TRPM2: variants seen among roughly 807,000 people sequenced by gnomAD.
TRPM2 encodes transient receptor potential cation channel subfamily M member 2, also known as estrogen-responsive element-associated gene 1 protein.
TRPM2 carries 161 observed loss-of-function variants against 174.0 expected under a neutral mutation model. That is an observed-to-expected ratio of 0.93 (90% CI 0.81 to 1.05). TRPM2 has a LOEUF of 1.05. Ranked by LOEUF, TRPM2 falls within the 50% of genes least tolerant of loss-of-function variation. The pLI is 0.00. For synonymous variants in TRPM2, 954 were observed against 861.3 expected, an observed-to-expected ratio of 1.11 and a Z score of -1.88; for missense variants, 2,057 against 2,038.0, an observed-to-expected ratio of 1.01 and a Z score of -0.18.
intron 20 of TRPM2, 90 bp downstream of exon 20, chr21:44,414,164 A>G (rs925203138): frequency 1.5e-5 from 22 of 1,494,652 alleles, no homozygotes; most frequent in Non-Finnish European, 1.8e-5. Context: ...GGTCTCGTGG[A>G]CAGTGTGGAT....
chr21:44,393,212 T>C (rs575705045), intron 11 of TRPM2, among the ~76,000 whole-genome samples: 49 of 152,322 alleles, frequency 3.2e-4, no homozygotes, highest in African/African-American at 7.5e-4. Context: ...TCAGGAATGA[T>C]GCTGGATTTT....
At chr21:44,397,113 A>T (rs952883923) in intron 12 of TRPM2, among the ~76,000 whole-genome samples, 4 of 150,992 alleles carry the variant, frequency 2.6e-5, no homozygotes, top group African/African-American at 9.8e-5. Context: ...ATCTCGGCTC[A>T]CTGCAACCTC....
upstream of TRPM2, among the ~76,000 whole-genome samples, chr21:44,350,696 G>A (rs2047915558): frequency 6.8e-6 from 1 of 146,380 alleles, no homozygotes; most frequent in Admixed American, 6.7e-5. Context: ...GGCGGGGTTC[G>A]GGGCGCTGGT....
chr21:44,383,967 A>G (rs2048952704), intron 9 of TRPM2, among the ~76,000 whole-genome samples: 1 of 152,210 alleles, frequency 6.6e-6, no homozygotes, highest in Admixed American at 6.5e-5. Flanking sequence ...AGAACAAATG[A>G]AATCCAAAAG....
chr21:44,412,832 C>A (rs1342132822), intron 19 of TRPM2, among the ~76,000 whole-genome samples: 2 of 151,898 alleles, frequency 1.3e-5, no homozygotes, highest in Non-Finnish European at 2.9e-5. Context: ...TTCAGCTCTT[C>A]TTTATTAATA....
At chr21:44,405,290 G>A (rs748664709) in intron 17 of TRPM2, 30 bp downstream of exon 17, 15 of 1,598,414 alleles carry the variant, frequency 9.4e-6, no homozygotes, top group East Asian at 6.7e-5. Context: ...TGGCGGGCCC[G>A]TCTGAGGCAG....
Position 44,423,645 on chromosome 21 carries a change from G to C in TRPM2, c.3462G>C (p.Lys1154Asn). The change falls in exon 23 of 32, where the codon AAG (lysine) becomes AAC (asparagine). Residue 1154 changes from lysine (K) to asparagine (N), a missense_variant and splice_region_variant. Coordinates refer to ENST00000397928, the MANE Select transcript of TRPM2 (RefSeq NM_003307.4). ...PEQKIEDISN[K>N]VDAMVDLLDL... ...CCAGCTCAGCTGCTTCCTCTTTCAGGGTTGACGCCATGGTGGACCTGCTGG... is the reference window on the plus strand; with the variant it reads ...CCAGCTCAGCTGCTTCCTCTTTCAGCGTTGACGCCATGGTGGACCTGCTGG... 6.2e-7 allele frequency: 1 copy of C among 1,612,224 alleles called. No individual in the cohort carries two copies. Among genetic ancestry groups the C allele is most frequent in the Non-Finnish European group, 8.5e-7 (1 of 1,179,614 alleles).
At chr21:44,411,773 A>T (rs2050114919) in intron 19 of TRPM2, among the ~76,000 whole-genome samples, 1 of 152,158 alleles carries the variant, frequency 6.6e-6, no homozygotes, top group Non-Finnish European at 1.5e-5. Context: ...GTTCCCTTCT[A>T]TTCCTAGTTT....
rs556964056 is a variant in TRPM2 at position 44,411,805 on chromosome 21, G to A, written c.2963-2086G>A. 3.2e-4 allele frequency among the ~76,000 whole-genome samples: 48 copies of A among 152,278 alleles called. 1 individual carries two copies. The South Asian group carries it at 7.5e-3, about 24-fold the overall frequency. On this transcript the variant is annotated intron_variant, in intron 19 of 31. Coordinates refer to ENST00000397928, the MANE Select transcript of TRPM2 (RefSeq NM_003307.4). Reference sequence around the variant, plus strand: ...GTTTCTTGAGTGTTTTTATTGTGAAGGAGTGGTAGACTTTGTCAGCTGCTT... The same window carrying A: ...GTTTCTTGAGTGTTTTTATTGTGAAAGAGTGGTAGACTTTGTCAGCTGCTT...
Position 44,401,808 on chromosome 21 carries a change from C to T in TRPM2, c.2449C>T (p.Leu817Phe), listed in dbSNP as rs1054216429. ...FAFLCLFAYVLMVDFQPVPSW... is the reference protein window; with the variant it reads ...FAFLCLFAYVFMVDFQPVPSW... The stretch of plus-strand genomic sequence containing the variant: ...CTTCCTCTGCCTGTTCGCCTACGTG[C>T]TCATGGTGGACTTCCAGCCTGTGCC... Residue 817 changes from leucine (L) to phenylalanine (F), a missense_variant, in exon 16 of 32, where the codon CTC becomes TTC. Physicochemically the swap from Leu to Phe is conservative, Grantham distance 22. Coordinates refer to ENST00000397928, the MANE Select transcript of TRPM2 (RefSeq NM_003307.4). The T allele has an allele frequency of 9.9e-6, 16 of 1,613,922 alleles. No homozygotes were observed. The East Asian group carries it at 3.3e-4, about 34-fold the overall frequency.
intron 27 of TRPM2, among the ~76,000 whole-genome samples, chr21:44,427,319 C>T (rs534407734): frequency 5.0e-4 from 76 of 152,306 alleles, no homozygotes; most frequent in African/African-American, 1.8e-3. Flanking sequence ...CCCCTGGCCT[C>T]GGGCAGGCCC....
In TRPM2 at chr21:44,379,049, C is replaced by CG. The variant is rs1313043020; in HGVS notation, c.1070dup (p.Arg358ProfsTer35). 1.2e-6 allele frequency: 2 copies of CG among 1,610,918 alleles called. No homozygotes were observed. Among genetic ancestry groups the CG allele is most frequent in the Non-Finnish European group, 8.5e-7 (1 of 1,180,016 alleles). The stretch of plus-strand genomic sequence containing the variant: ...ACCCCCTGTGTGGTTGTGGAGGGCT[C>CG]GGGCCGCGTGGCCGACGTCATTGCC... On this transcript the variant is annotated frameshift_variant, in exon 8 of 32. Transcript: ENST00000397928. LOFTEE classifies it high-confidence loss of function.
intron 9 of TRPM2, among the ~76,000 whole-genome samples, chr21:44,386,579 T>G (rs2146225759): frequency 6.6e-6 from 1 of 152,198 alleles, no homozygotes; most frequent in South Asian, 2.1e-4. Flanking sequence ...AAAACATTGC[T>G]GAAAGAAATG....
upstream of TRPM2, among the ~76,000 whole-genome samples, chr21:44,351,554 G>A (rs1319555597): frequency 6.6e-6 from 1 of 152,252 alleles, no homozygotes; most frequent in African/African-American, 2.4e-5. Context: ...GTGAACCAGG[G>A]TGGCCCAAGC....
In TRPM2 at chr21:44,439,229, A is replaced by G; in HGVS notation, c.4269+61A>G. On this transcript the variant is annotated intron_variant, in intron 30 of 31. Coordinates refer to ENST00000397928, the MANE Select transcript of TRPM2 (RefSeq NM_003307.4). This position sits in a 1 kb window ranked among gnomAD's most constrained non-coding sequence, Gnocchi z 5.1. ...GTCCCCAGGGCTGCAGGACAAACAC[A>G]GTGTGATACTGGGGACCTGCCCCAG... 2 of 1,485,122 alleles carry G rather than the reference A, an allele frequency of 1.3e-6. No homozygotes were observed. The highest frequency in any genetic ancestry group is 3.4e-5 in the Admixed American group (2 of 58,952). 92.0% of individuals were successfully genotyped at this position (1,485,122 alleles called of 1,614,324 possible).
intron 16 of TRPM2, among the ~76,000 whole-genome samples, chr21:44,404,782 A>G (rs1452433450): frequency 2.0e-5 from 3 of 150,422 alleles, no homozygotes; most frequent in African/African-American, 7.3e-5. Context: ...AGTGACTGTG[A>G]TGATAGTGGA....
In TRPM2 at chr21:44,427,011, A is replaced by G. The variant is rs1555903217; in HGVS notation, c.3874A>G (p.Thr1292Ala). 6.3e-7 allele frequency: 1 copy of G among 1,591,784 alleles called. No individual in the cohort carries two copies. Among genetic ancestry groups the G allele is most frequent in the Non-Finnish European group, 8.5e-7 (1 of 1,170,780 alleles). ...DAAAMDPMGDTLEPLSTIQYN... is the reference protein window; with the variant it reads ...DAAAMDPMGDALEPLSTIQYN... Reference sequence around the variant, plus strand: ...ACACGCCTTCTCCTCTGCTCCCAGCACCCTGGAGCCACTGTCCACGATCCA... The same window carrying G: ...ACACGCCTTCTCCTCTGCTCCCAGCGCCCTGGAGCCACTGTCCACGATCCA... The change falls in exon 27 of 32, where the codon ACC (threonine) becomes GCC (alanine). Residue 1292 changes from threonine to alanine, a missense_variant and splice_region_variant. Thr to Ala is a moderately conservative substitution (Grantham distance 58). Coordinates refer to ENST00000397928, the MANE Select transcript of TRPM2 (RefSeq NM_003307.4).
chr21:44,418,161 G>A, intron 21 of TRPM2, 53 bp downstream of exon 21: 2 of 1,568,128 alleles, frequency 1.3e-6, no homozygotes, highest in Non-Finnish European at 1.7e-6. Context: ...GGGTGCAGAG[G>A]GGGTGGAGAT....
chr21:44,366,483 G>T lies in TRPM2; in HGVS notation c.424-271G>T, dbSNP rs1412056419. Among the ~76,000 whole-genome samples, 2 of 152,138 alleles carry T rather than the reference G, an allele frequency of 1.3e-5. No individual in the cohort carries two copies. Among genetic ancestry groups the T allele is most frequent in the African/African-American group, 4.8e-5 (2 of 41,450 alleles). On this transcript the variant is annotated intron_variant, in intron 3 of 31. Coordinates refer to ENST00000397928, the MANE Select transcript of TRPM2 (RefSeq NM_003307.4). This position sits in a 1 kb window ranked among gnomAD's most constrained non-coding sequence, Gnocchi z 6.0. ...AATCGAGAGGAAGAGGAAAAAGTGG[G>T]TGCCGTGGGGGCACGAGGGCTGGGG...
Sources: allele counts gnomAD v4.1 joint callset (sites outside exome capture counted in the v4.1 genomes callset), GRCh38; gene constraint gnomAD v4.1.1; non-coding constraint Gnocchi (gnomAD v3.1); transcripts MANE v1.5; gene names NCBI Gene and HGNC (gene_info 2026-07-23, HGNC 2026-07-21).